Variants in TENM2 observed in about 807,000 individuals in gnomAD.
The protein encoded by TENM2 is teneurin-2.
In TENM2, 52 loss-of-function variants were observed where a neutral mutation model predicts 245.2. The ratio of observed to expected loss-of-function variants is 0.21; its 90% CI spans 0.17 to 0.27. The LOEUF is 0.27. Ranked by LOEUF, TENM2 falls within the 10% of genes least tolerant of loss-of-function variation. TENM2 has a pLI of 1.00. For missense variants in TENM2, 3,046 were observed against 3,666.8 expected (o/e 0.83, Z 4.37); for synonymous variants, 1,363 against 1,438.9 (o/e 0.95, Z 1.19).
the TENM2 span, among the ~76,000 whole-genome samples, chr5:167,063,511 G>C: frequency 2.6e-5 from 4 of 152,162 alleles, no homozygotes; most frequent in South Asian, 8.3e-4. Flanking sequence ...TCATTAAACA[G>C]TTTTATGTCT....
At chr5:167,342,400 A>T (rs1758155064) in intron 1 of TENM2, among the ~76,000 whole-genome samples, 1 of 146,814 alleles carries the variant, frequency 6.8e-6, no homozygotes, top group African/African-American at 2.5e-5. Context: ...CATTCTCATT[A>T]TGTCATATCA....
exon 14 of TENM2, chr5:168,190,479 C>A: frequency 1.9e-6 from 3 of 1,614,016 alleles, no homozygotes; most frequent in Non-Finnish European, 2.5e-6. Flanking sequence ...CCTTCTATGA[C>A]CGTATCAAGC....
chr5:167,441,878 C>G lies in TENM2; in HGVS notation c.502+66405C>G, dbSNP rs1764899340. 2.0e-5 allele frequency among the ~76,000 whole-genome samples: 3 copies of G among 152,194 alleles called. No homozygotes were observed. The South Asian group carries it at 6.2e-4, about 32-fold the overall frequency. On this transcript the variant is annotated intron_variant, in intron 2 of 28. Coordinates refer to ENST00000518659, the Ensembl canonical transcript of TENM2. Reference sequence around the variant, plus strand: ...GTGCAACTATAGAGAAGGGTCACAGCTGGAGCATCCCTTGCTGAGTTTGCC... The same window carrying G: ...GTGCAACTATAGAGAAGGGTCACAGGTGGAGCATCCCTTGCTGAGTTTGCC...
intron 2 of TENM2, among the ~76,000 whole-genome samples, chr5:167,422,068 G>A (rs1421188649): frequency 6.6e-6 from 1 of 152,166 alleles, no homozygotes; most frequent in African/African-American, 2.4e-5. Context: ...GGGATTACAG[G>A]CGTGAGCCAC....
chr5:167,934,901 A>G, intron 3 of TENM2: 3 of 985,558 alleles, frequency 3.0e-6, no homozygotes, highest in Non-Finnish European at 3.6e-6. Flanking sequence ...TGCAGGCTGC[A>G]CTGCCCTTGA....
At chr5:168,070,358 G>A (rs529433103) in intron 7 of TENM2, among the ~76,000 whole-genome samples, 5 of 152,130 alleles carry the variant, frequency 3.3e-5, no homozygotes, top group Admixed American at 1.3e-4. Flanking sequence ...TTTTCCATTC[G>A]TTAAGTGTAT....
intron 1 of TENM2, among the ~76,000 whole-genome samples, chr5:167,328,470 C>A (rs1055142035): frequency 6.6e-6 from 1 of 152,120 alleles, no homozygotes; most frequent in Non-Finnish European, 1.5e-5. Context: ...GGATTACAGG[C>A]GTGAGCCACC....
the TENM2 span, among the ~76,000 whole-genome samples, chr5:167,112,545 G>T: frequency 6.6e-6 from 1 of 152,152 alleles, no homozygotes; most frequent in African/African-American, 2.4e-5. Context: ...CAAATGTTTC[G>T]GTCCACTATC....
At chr5:167,301,896 G>A (rs1272424252) in intron 1 of TENM2, among the ~76,000 whole-genome samples, 2 of 152,122 alleles carry the variant, frequency 1.3e-5, no homozygotes, top group African/African-American at 2.4e-5. Context: ...AGGAGGGGAG[G>A]TGATAAAAGG....
At chr5:167,636,647 A>G (rs1779226244) in intron 2 of TENM2, among the ~76,000 whole-genome samples, 1 of 152,178 alleles carries the variant, frequency 6.6e-6, no homozygotes, top group Non-Finnish European at 1.5e-5. Flanking sequence ...TTGAATGCTT[A>G]TTTTGCACCA....
At chr5:167,785,763 G>GAA (rs1435337746) in intron 2 of TENM2, among the ~76,000 whole-genome samples, 5 of 152,208 alleles carry the variant, frequency 3.3e-5, no homozygotes, top group Non-Finnish European at 7.3e-5. Flanking sequence ...ATGTTGAGCA[G>GAA]TGGTGCTGAC....
chr5:168,192,565 A>T, intron 14 of TENM2, among the ~76,000 whole-genome samples: 1 of 152,180 alleles, frequency 6.6e-6, no homozygotes, highest in East Asian at 1.9e-4. Flanking sequence ...TTTAGAGATT[A>T]ATCTTTCTAT....
chr5:168,137,023 T>G (rs1293293405), intron 12 of TENM2, among the ~76,000 whole-genome samples: 1 of 152,164 alleles, frequency 6.6e-6, no homozygotes, highest in Non-Finnish European at 1.5e-5. Flanking sequence ...CACAGCTCTT[T>G]GAGGCCACTC....
In TENM2 at chr5:168,001,421, G is replaced by T. The variant is rs529046434; in HGVS notation, c.1186+8239G>T. ...GAATTTACTTGGAGTTCAAGGTGAA[G>T]AAGCAAATAATGGCATAAATCTAAA... On this transcript the variant is annotated intron_variant, in intron 5 of 28. Transcript: ENST00000518659. Among the ~76,000 whole-genome samples, 5 of 152,344 alleles carry T rather than the reference G, an allele frequency of 3.3e-5. No homozygotes were observed. In the East Asian group the frequency reaches 9.6e-4, roughly 29 times the overall value.
Position 167,622,542 on chromosome 5 carries a change from CA to C in TENM2, c.502+247070del, listed in dbSNP as rs143666645. Among the ~76,000 whole-genome samples, 1,389 of 152,140 alleles carry C rather than the reference CA, an allele frequency of 9.1e-3. 12 individuals are homozygous for C. The highest frequency in any genetic ancestry group is 0.032 in the African/African-American group (1,321 of 41,494). On this transcript the variant is annotated intron_variant, in intron 2 of 28. Transcript: ENST00000518659. ...AGAATATTAAATGAGCCTTGGGACCCATCCTTAGACCCACCATTATTTCTTC... is the reference window on the plus strand; with the variant it reads ...AGAATATTAAATGAGCCTTGGGACCCTCCTTAGACCCACCATTATTTCTTC...
At chr5:166,987,327 T>C in the TENM2 span, among the ~76,000 whole-genome samples, 1 of 152,066 alleles carries the variant, frequency 6.6e-6, no homozygotes, top group Non-Finnish European at 1.5e-5. Context: ...TTGTGGATGA[T>C]TGCTGTCTGC....
the TENM2 span, among the ~76,000 whole-genome samples, chr5:167,127,614 CT>C: frequency 3.0e-3 from 355 of 116,712 alleles, 2 homozygotes; most frequent in Non-Finnish European, 3.5e-3. Context: ...AGAATACAAG[CT>C]TTTTTTTTTT....
At chr5:167,334,498 A>G (rs11134453) in intron 1 of TENM2, among the ~76,000 whole-genome samples, 70,845 of 151,776 alleles carry the variant, frequency 0.47, 17,725 homozygotes, top group Non-Finnish European at 0.57. Context: ...GCTAAGTGAC[A>G]TTTTCAGACT....
chr5:167,134,553 C>T, the TENM2 span, among the ~76,000 whole-genome samples: 4 of 152,126 alleles, frequency 2.6e-5, no homozygotes, highest in African/African-American at 7.2e-5. Flanking sequence ...TGATTTCAGT[C>T]GGCAAGAAGA....
Sources: allele counts gnomAD v4.1 joint callset (sites outside exome capture counted in the v4.1 genomes callset), GRCh38; gene constraint gnomAD v4.1.1; transcripts MANE v1.5; gene names NCBI Gene and HGNC (gene_info 2026-07-23, HGNC 2026-07-21).